Variants in ZFYVE1 observed in about 807,000 individuals in gnomAD.
ZFYVE1 encodes the protein zinc finger FYVE-type containing 1, also known as zinc finger FYVE domain-containing protein 1.
A neutral mutation model predicts 74.4 loss-of-function variants in ZFYVE1; 30 were observed. The ratio of observed to expected loss-of-function variants is 0.40; its 90% CI spans 0.30 to 0.55. The LOEUF (loss-of-function observed/expected upper bound fraction) is 0.55, where lower values mean the gene tolerates loss of function less well. ZFYVE1 is among the 20% of genes least tolerant of loss of function. ZFYVE1 has a pLI of 0.42. For missense variants in ZFYVE1, 703 were observed against 1,011.6 expected (o/e 0.69, Z 4.14); for synonymous variants, 335 against 385.1 (o/e 0.87, Z 1.52).
intron 3 of ZFYVE1, among the ~76,000 whole-genome samples, chr14:72,996,457 G>C (rs537138984): frequency 6.6e-6 from 1 of 151,998 alleles, no homozygotes; most frequent in African/African-American, 2.4e-5. Context: ...GCAATAACAC[G>C]ATCACAGCTC....
chr14:72,980,048 T>C (rs1471877711), intron 5 of ZFYVE1, among the ~76,000 whole-genome samples: 1 of 152,212 alleles, frequency 6.6e-6, no homozygotes, highest in Non-Finnish European at 1.5e-5. Flanking sequence ...TTAAGTCTCT[T>C]GTGCTGGGCT....
Position 72,984,524 on chromosome 14 carries a change from G to A in ZFYVE1, c.1204-2629C>T, listed in dbSNP as rs569553199. Among the ~76,000 whole-genome samples the A allele has an allele frequency of 3.1e-4, 46 of 149,722 alleles. No individual in the cohort carries two copies. The East Asian group carries it at 5.3e-3, about 17-fold the overall frequency. The stretch of plus-strand genomic sequence containing the variant: ...AGCCTGGGTGACAGGGTGAGACTCC[G>A]TCTCAAAAAAAAAAAAAATTGAAAA... On this transcript the variant is annotated intron_variant, in intron 4 of 11. Transcript: ENST00000556143.
intron 4 of ZFYVE1, among the ~76,000 whole-genome samples, chr14:72,989,309 A>G (rs1394307534): frequency 3.3e-5 from 5 of 152,342 alleles, no homozygotes; most frequent in East Asian, 1.9e-4. Flanking sequence ...TAGGCAGGGG[A>G]AAAGGATTTA....
At chr14:72,999,797 T>C (rs375899602) in intron 2 of ZFYVE1, among the ~76,000 whole-genome samples, 3 of 152,130 alleles carry the variant, frequency 2.0e-5, no homozygotes, top group African/African-American at 2.4e-5. Context: ...TGGTAGCTCA[T>C]GTCTGTAATC....
rs1490057233 is a variant in ZFYVE1, at chr14:72,978,248, C to T, written c.1420-14G>A. The T allele has an allele frequency of 1.2e-6, 2 of 1,612,038 alleles. No individual in the cohort carries two copies. Among genetic ancestry groups the T allele is most frequent in the Non-Finnish European group, 1.7e-6 (2 of 1,178,314 alleles). ...CTCATAGCAGGCCTGAAACAGGAAA[C>T]ACTCTGCTAGCTTATTGTTTGTTTT... On this transcript the variant is annotated splice_polypyrimidine_tract_variant and intron_variant, in intron 6 of 11. Transcript: ENST00000556143.
chr14:73,017,134 A>C (rs1356470366), intron 2 of ZFYVE1, among the ~76,000 whole-genome samples: 1 of 152,154 alleles, frequency 6.6e-6, no homozygotes, highest in Non-Finnish European at 1.5e-5. Context: ...AAGAAAAAAA[A>C]AGATGAAGGA....
At chr14:73,016,383 C>A (rs573269011) in intron 2 of ZFYVE1, among the ~76,000 whole-genome samples, 81 of 152,154 alleles carry the variant, frequency 5.3e-4, no homozygotes, top group Non-Finnish European at 2.9e-4. Flanking sequence ...TGGTGGCGGG[C>A]GCCTATAGTC....
chr14:72,979,570 C>T (rs1316433419), intron 5 of ZFYVE1, among the ~76,000 whole-genome samples: 1 of 151,772 alleles, frequency 6.6e-6, no homozygotes, highest in East Asian at 1.9e-4. Flanking sequence ...AGGAGAATCA[C>T]TTGAATCCAG....
Position 72,970,943 on chromosome 14 carries a change from C to T in ZFYVE1, c.2273G>A (p.Arg758His), listed in dbSNP as rs756615244. Reference protein sequence around the residue: ...CSHDRRAVPSRGWDHPVRVCF... With the variant: ...CSHDRRAVPSHGWDHPVRVCF... ...GACTCGGACGGGATGGTCCCAGCCA[C>T]GAGAAGGAACAGCCCGGCGGTCATG... Residue 758 changes from arginine to histidine, a missense_variant, in exon 12 of 12, where the codon CGT becomes CAT. Physicochemically the swap from Arg to His is conservative, Grantham distance 29. Coordinates refer to ENST00000556143, the MANE Select transcript of ZFYVE1 (RefSeq NM_021260.4). 1.9e-6 allele frequency: 3 copies of T among 1,614,242 alleles called. No homozygotes were observed. Among genetic ancestry groups the T allele is most frequent in the East Asian group, 2.2e-5 (1 of 44,882 alleles).
intron 3 of ZFYVE1, among the ~76,000 whole-genome samples, chr14:72,997,507 T>A (rs1029738117): frequency 2.0e-5 from 3 of 152,142 alleles, no homozygotes; most frequent in Non-Finnish European, 4.4e-5. Flanking sequence ...TTCCTCCTAT[T>A]TTCTCTTGAT....
At chr14:73,004,864 C>G (rs1893944522) in intron 2 of ZFYVE1, among the ~76,000 whole-genome samples, 1 of 151,828 alleles carries the variant, frequency 6.6e-6, no homozygotes, top group Admixed American at 6.6e-5. Flanking sequence ...CCAGGCGTTG[C>G]GGCACGTCCC....
chr14:73,007,792 TA>T (rs1381311040), intron 2 of ZFYVE1, among the ~76,000 whole-genome samples: 1 of 152,250 alleles, frequency 6.6e-6, no homozygotes, highest in Non-Finnish European at 1.5e-5. Context: ...TAAGTTCTAT[TA>T]AATCTGTTTC....
intron 2 of ZFYVE1, among the ~76,000 whole-genome samples, chr14:73,021,835 T>C (rs571649105): frequency 6.6e-6 from 1 of 152,308 alleles, no homozygotes; most frequent in Admixed American, 6.5e-5. Flanking sequence ...AGATTTATCT[T>C]CTTCATTACA....
chr14:73,023,021 C>T (rs1249560875), intron 2 of ZFYVE1, among the ~76,000 whole-genome samples: 1 of 151,396 alleles, frequency 6.6e-6, no homozygotes, highest in Admixed American at 6.6e-5. Context: ...AATTACCAGG[C>T]GTGATGGCAC....
intron 2 of ZFYVE1, among the ~76,000 whole-genome samples, chr14:73,010,487 G>C (rs902674017): frequency 1.3e-5 from 2 of 152,126 alleles, no homozygotes; most frequent in African/African-American, 4.8e-5. Context: ...TGTAATCCCA[G>C]CTACTCAGGA....
chr14:73,022,003 G>C (rs557302452), intron 2 of ZFYVE1, among the ~76,000 whole-genome samples: 1 of 152,290 alleles, frequency 6.6e-6, no homozygotes, highest in South Asian at 2.1e-4. Context: ...CCCCTCATTT[G>C]ACAAAAGTGG....
chr14:73,024,662 T>C lies in ZFYVE1; in HGVS notation c.-154A>G. ...CACCTTTCATGTCCTGTTATAGTTC[T>C]TCACAAACAAATGTTCAAATTTTTA... On this transcript the variant is annotated 5_prime_UTR_variant, in exon 2 of 12. Transcript: ENST00000556143. 1.8e-6 allele frequency: 2 copies of C among 1,135,704 alleles called. No homozygotes were observed. The allele number at this position is 1,135,704 out of a possible 1,614,324, so 70.4% of individuals were successfully genotyped here.
intron 2 of ZFYVE1, among the ~76,000 whole-genome samples, chr14:73,020,284 A>C (rs1024351109): frequency 2.0e-5 from 3 of 149,218 alleles, no homozygotes; most frequent in Non-Finnish European, 4.5e-5. Context: ...AAAGGAAAGG[A>C]AAGGAAAGGA....
At chr14:72,981,299 C>T (rs1232369209) in intron 5 of ZFYVE1, among the ~76,000 whole-genome samples, 1 of 152,090 alleles carries the variant, frequency 6.6e-6, no homozygotes, top group African/African-American at 2.4e-5. Context: ...TTTGAAAGCT[C>T]CCCAGAAAAT....
Sources: gnomAD v4.1 joint callset for allele counts (sites outside exome capture counted in the v4.1 genomes callset) on GRCh38, gnomAD v4.1.1 for gene constraint, MANE v1.5 for transcripts, NCBI Gene and HGNC (gene_info 2026-07-23, HGNC 2026-07-21) for gene names.